The following KCNH5 variants were observed in gnomAD, a reference collection of about 807,000 sequenced individuals.
KCNH5 encodes voltage-gated delayed rectifier potassium channel KCNH5.
In KCNH5, 46 loss-of-function variants were observed where a neutral mutation model predicts 96.1. That is an observed-to-expected ratio of 0.48 (90% CI 0.38 to 0.61). The LOEUF is 0.61. Among genes scored for constraint, KCNH5 ranks in the 20% least tolerant of loss-of-function variants. The pLI is 0.00. For missense variants in KCNH5, 907 were observed against 1,225.8 expected (o/e 0.74, Z 3.88); for synonymous variants, 439 against 449.8 (o/e 0.98, Z 0.30).
intron 10 of KCNH5, among the ~76,000 whole-genome samples, chr14:62,757,554 C>T (rs1236281227): frequency 6.6e-6 from 1 of 150,612 alleles, no homozygotes; most frequent in Non-Finnish European, 1.5e-5. Flanking sequence ...TGTCCATCAA[C>T]AGCTGAATAT....
At chr14:62,933,208 G>T (rs1889613499) in intron 7 of KCNH5, among the ~76,000 whole-genome samples, 1 of 152,056 alleles carries the variant, frequency 6.6e-6, no homozygotes, top group African/African-American at 2.4e-5. Context: ...CAGAATGGAA[G>T]AGAATTTGGT....
At chr14:62,765,479 A>G (rs1412603627) in intron 10 of KCNH5, among the ~76,000 whole-genome samples, 1 of 152,216 alleles carries the variant, frequency 6.6e-6, no homozygotes. Context: ...TTCATGATGA[A>G]GACTCTGAAA....
intron 8 of KCNH5, among the ~76,000 whole-genome samples, chr14:62,815,960 A>G (rs970918803): frequency 6.6e-5 from 10 of 151,952 alleles, no homozygotes; most frequent in Non-Finnish European, 1.3e-4. Flanking sequence ...ATATTGATTG[A>G]TTATATTTTT....
chr14:62,720,088 G>A (rs1884773526), intron 10 of KCNH5, among the ~76,000 whole-genome samples: 1 of 152,192 alleles, frequency 6.6e-6, no homozygotes, highest in East Asian at 1.9e-4. Flanking sequence ...CTATGGGGAG[G>A]TGATATTTGA....
At chr14:62,717,656 G>A (rs1340531689) in intron 10 of KCNH5, among the ~76,000 whole-genome samples, 1 of 152,158 alleles carries the variant, frequency 6.6e-6, no homozygotes, top group Non-Finnish European at 1.5e-5. Context: ...ATGGATAAAA[G>A]ACCTAACTGC....
At chr14:62,792,669 C>A (rs1015237274) in intron 9 of KCNH5, among the ~76,000 whole-genome samples, 1 of 151,558 alleles carries the variant, frequency 6.6e-6, no homozygotes, top group Admixed American at 6.6e-5. Flanking sequence ...ATAACTAAGT[C>A]TTAGAACTTT....
chr14:63,024,641 C>A (rs979867283), intron 1 of KCNH5, among the ~76,000 whole-genome samples: 1 of 151,896 alleles, frequency 6.6e-6, no homozygotes, highest in East Asian at 1.9e-4. Flanking sequence ...CTATTATGAA[C>A]AATTAAAATC....
At chr14:62,901,897 CT>C (rs1233471965) in intron 7 of KCNH5, among the ~76,000 whole-genome samples, 1 of 152,126 alleles carries the variant, frequency 6.6e-6, no homozygotes, top group Non-Finnish European at 1.5e-5. Context: ...TCTATTTTTA[CT>C]TTTTAGTAAC....
At chr14:63,021,121 A>C (rs1227549856) in intron 1 of KCNH5, among the ~76,000 whole-genome samples, 1 of 152,078 alleles carries the variant, frequency 6.6e-6, no homozygotes, top group Non-Finnish European at 1.5e-5. Flanking sequence ...CCACTTCATG[A>C]CTAGATAACT....
intron 7 of KCNH5, among the ~76,000 whole-genome samples, chr14:62,892,491 G>T (rs1888730173): frequency 1.3e-5 from 2 of 152,346 alleles, no homozygotes; most frequent in South Asian, 4.1e-4. Context: ...AGAAGCTTCA[G>T]CAAGTTATTC....
chr14:62,900,354 A>G (rs1888900183), intron 7 of KCNH5, among the ~76,000 whole-genome samples: 2 of 152,248 alleles, frequency 1.3e-5, no homozygotes, highest in African/African-American at 4.8e-5. Flanking sequence ...AGCTTAACCA[A>G]TGAATAGCTT....
At chr14:62,853,785 G>A (rs921953250) in intron 7 of KCNH5, among the ~76,000 whole-genome samples, 1 of 151,416 alleles carries the variant, frequency 6.6e-6, no homozygotes. Context: ...CAAGGCAGGC[G>A]ATCACAAGGT....
chr14:62,835,461 G>A (rs1483359915), intron 8 of KCNH5, among the ~76,000 whole-genome samples: 1 of 151,858 alleles, frequency 6.6e-6, no homozygotes, highest in Non-Finnish European at 1.5e-5. Flanking sequence ...AAGTTCATGA[G>A]GAAATTCATT....
At chr14:62,973,608 G>A (rs1294359181) in intron 6 of KCNH5, among the ~76,000 whole-genome samples, 2 of 152,252 alleles carry the variant, frequency 1.3e-5, no homozygotes, top group East Asian at 3.9e-4. Flanking sequence ...AGTCTCCAGA[G>A]CTGTGAGAAA....
At chr14:63,040,267 C>A (rs1264449216) in intron 1 of KCNH5, among the ~76,000 whole-genome samples, 1 of 152,026 alleles carries the variant, frequency 6.6e-6, no homozygotes, top group Non-Finnish European at 1.5e-5. Context: ...TCTTACACAT[C>A]CTACTTCTGG....
At chr14:63,010,235 T>G (rs1325447616) in intron 2 of KCNH5, among the ~76,000 whole-genome samples, 1 of 152,166 alleles carries the variant, frequency 6.6e-6, no homozygotes, top group Non-Finnish European at 1.5e-5. Context: ...CTCTGACCCA[T>G]AGTTTCATCA....
chr14:62,951,954 C>T (rs1236322314), intron 6 of KCNH5, among the ~76,000 whole-genome samples: 1 of 112,404 alleles, frequency 8.9e-6, no homozygotes, highest in Non-Finnish European at 1.8e-5. Flanking sequence ...CAGAGCGAGA[C>T]TCCGTCTCAA....
intron 7 of KCNH5, among the ~76,000 whole-genome samples, chr14:62,886,246 G>A (rs1212312716): frequency 6.6e-6 from 1 of 152,070 alleles, no homozygotes; most frequent in South Asian, 2.1e-4. Flanking sequence ...GGCTTCCTCT[G>A]GAACCCATCA....
intron 7 of KCNH5, among the ~76,000 whole-genome samples, chr14:62,860,929 G>T (rs1231424978): frequency 3.9e-5 from 6 of 152,320 alleles, no homozygotes; most frequent in African/African-American, 1.4e-4. Context: ...TTGGAAAGAA[G>T]CAGAGGAAGA....
Sources: gnomAD v4.1 joint callset for allele counts (sites outside exome capture counted in the v4.1 genomes callset) on GRCh38, gnomAD v4.1.1 for gene constraint, MANE v1.5 for transcripts, NCBI Gene and HGNC (gene_info 2026-07-23, HGNC 2026-07-21) for gene names.